NAV1: variants seen among roughly 807,000 people sequenced by gnomAD.
NAV1 encodes neuron navigator 1, also known as pore membrane and/or filament interacting like protein 3.
A neutral mutation model predicts 175.2 loss-of-function variants in NAV1; 18 were observed. That is an observed-to-expected ratio of 0.10 (90% CI 0.07 to 0.15). The LOEUF (loss-of-function observed/expected upper bound fraction) is 0.15. NAV1 is among the 10% of genes least tolerant of loss of function. The pLI is 1.00. For synonymous variants in NAV1, 897 were observed against 978.7 expected, an observed-to-expected ratio of 0.92 and a Z score of 1.56; for missense variants, 1,731 against 2,436.6, an observed-to-expected ratio of 0.71 and a Z score of 6.10.
rs763852838 is a variant in NAV1, at chr1:201,718,553, A to T, written c.1024A>T (p.Thr342Ser). Residue 342 changes from threonine to serine, a missense_variant, in exon 3 of 30, where the codon ACG becomes TCG. Physicochemically the swap from Thr to Ser is moderately conservative, Grantham distance 58. This residue lies in a region of NAV1 where 487 missense variants were observed against 581.3 expected (regional missense o/e 0.84). Coordinates refer to ENST00000367296, the Ensembl canonical transcript of NAV1. This position sits in a 1 kb window ranked among gnomAD's most constrained non-coding sequence, Gnocchi z 4.8. ...GGGTGGGAGCTGCCGCTCGGAGGGG[A>T]CGCCCGCCTGGTACATGCACGGCGA... 1 of 1,613,214 alleles carries T rather than the reference A, an allele frequency of 6.2e-7. No individual in the cohort carries two copies. Among genetic ancestry groups the T allele is most frequent in the Non-Finnish European group, 8.5e-7 (1 of 1,179,718 alleles).
intron 3 of NAV1, chr1:201,739,890 G>A (rs970817944): frequency 2.2e-5 from 28 of 1,286,730 alleles, no homozygotes; most frequent in Non-Finnish European, 2.7e-5. Context: ...GCGGAGGGCA[G>A]GCGAGGGTTA....
intron 2 of NAV1, among the ~76,000 whole-genome samples, chr1:201,599,027 AC>A (rs1300512990): frequency 1.3e-5 from 2 of 152,132 alleles, no homozygotes; most frequent in African/African-American, 4.8e-5. Flanking sequence ...TGGGGACAGG[AC>A]TTTTGTTGGC....
chr1:201,610,537 G>A (rs2102252240), intron 2 of NAV1, among the ~76,000 whole-genome samples: 1 of 152,326 alleles, frequency 6.6e-6, no homozygotes, highest in East Asian at 1.9e-4. Flanking sequence ...AGGTGTTGGA[G>A]GAATGCAGTG....
At chr1:201,819,983 A>G (rs1471973679) in exon 30 of NAV1, 16 of 1,535,650 alleles carry the variant, frequency 1.0e-5, no homozygotes, top group Non-Finnish European at 1.4e-5. Flanking sequence ...GGCATCAGCT[A>G]TCTTAGCTCC....
upstream of NAV1, among the ~76,000 whole-genome samples, chr1:201,619,096 G>A (rs935183248): frequency 6.6e-6 from 1 of 152,190 alleles, no homozygotes; most frequent in Non-Finnish European, 1.5e-5. Flanking sequence ...CCACTGCAGT[G>A]GAGAGGGAGG....
At chr1:201,601,537 G>T (rs966541345) in intron 2 of NAV1, among the ~76,000 whole-genome samples, 3 of 152,150 alleles carry the variant, frequency 2.0e-5, no homozygotes, top group Non-Finnish European at 4.4e-5. Context: ...ACCTTTAGGG[G>T]TGATTTGGTC....
chr1:201,739,912 C>T, intron 3 of NAV1: 3 of 1,301,488 alleles, frequency 2.3e-6, no homozygotes, highest in South Asian at 2.5e-5. Context: ...GTTTCCGACC[C>T]TCCGCGTGGC....
At chr1:201,664,838 C>T (rs1471331115) in intron 1 of NAV1, among the ~76,000 whole-genome samples, 1 of 152,270 alleles carries the variant, frequency 6.6e-6, no homozygotes, top group Non-Finnish European at 1.5e-5. Flanking sequence ...GCCACCAGTC[C>T]ACCCATCTCC....
chr1:201,810,001 T>TG lies in NAV1; in HGVS notation c.4457_4458insG (p.Ile1486MetfsTer29). On this transcript the variant is annotated frameshift_variant, in exon 23 of 30. Coordinates refer to ENST00000367296, the Ensembl canonical transcript of NAV1. LOFTEE classifies it high-confidence loss of function. The surrounding 1 kb of genome is among the most constrained non-coding windows in gnomAD (Gnocchi z 6.0). Reference sequence around the variant, plus strand: ...ACCCTGGGACTAAGCACTGAGTCCATCCATGGCTACAGCATCAGCCACGTG... The same window carrying TG: ...ACCCTGGGACTAAGCACTGAGTCCATGCCATGGCTACAGCATCAGCCACGTG... The TG allele has an allele frequency of 6.2e-7, 1 of 1,614,036 alleles. No individual in the cohort carries two copies. The highest frequency in any genetic ancestry group is 8.5e-7 in the Non-Finnish European group (1 of 1,179,984).
Position 201,787,627 on chromosome 1 carries a change from G to C in NAV1, c.2996-841G>C, listed in dbSNP as rs1264317767. On this transcript the variant is annotated intron_variant, in intron 9 of 29. Coordinates refer to ENST00000367296, the Ensembl canonical transcript of NAV1. This position sits in a 1 kb window ranked among gnomAD's most constrained non-coding sequence, Gnocchi z 4.3. ...TCAGGAATTTGAAAAGGTCAACAGAGAGGTGTGCCATCTTCTTCTGCACAG... is the reference window on the plus strand; with the variant it reads ...TCAGGAATTTGAAAAGGTCAACAGACAGGTGTGCCATCTTCTTCTGCACAG... 4.4e-6 allele frequency: 2 copies of C among 456,052 alleles called. No homozygotes were observed. The highest frequency in any genetic ancestry group is 4.7e-5 in the Admixed American group (2 of 42,562). 28.3% of individuals were successfully genotyped at this position (456,052 alleles called of 1,614,324 possible). A position where few individuals can be genotyped will look rare whatever the true frequency, so the allele number is the denominator to read the frequency against.
At chr1:201,604,596 C>T (rs1333119446) in intron 2 of NAV1, among the ~76,000 whole-genome samples, 6 of 150,840 alleles carry the variant, frequency 4.0e-5, no homozygotes, top group East Asian at 1.9e-4. Flanking sequence ...GTGGTAGAAT[C>T]GCTTGAACCT....
At chr1:201,566,730 T>C (rs2102163094) in intron 1 of NAV1, among the ~76,000 whole-genome samples, 1 of 152,070 alleles carries the variant, frequency 6.6e-6, no homozygotes, top group Admixed American at 6.5e-5. Flanking sequence ...CATAGAAAAA[T>C]AGAAAAACTT....
At position 201,583,220 on chromosome 1, in the gene NAV1, C is replaced by T. The variant is rs552879863; in HGVS notation, c.-143-5319C>T. Among the ~76,000 whole-genome samples the T allele has an allele frequency of 3.9e-5, 6 of 152,368 alleles. No individual in the cohort carries two copies. The South Asian group carries it at 1.2e-3, about 32-fold the overall frequency. The stretch of plus-strand genomic sequence containing the variant: ...GTGTGCCTCGGCTGGGCTCACGCTG[C>T]GTCAGGCTCGCCCGTGTTGGTATAA... On this transcript the variant is annotated intron_variant, in intron 1 of 33. Coordinates refer to the NAV1 transcript ENST00000685211.
At chr1:201,815,581 G>GCTAC (rs946138578) in intron 28 of NAV1, among the ~76,000 whole-genome samples, 1 of 152,148 alleles carries the variant, frequency 6.6e-6, no homozygotes, top group African/African-American at 2.4e-5. Context: ...GCTGGGCAGG[G>GCTAC]GGGTAGGTGA....
At chr1:201,794,172 A>C in intron 14 of NAV1, 1 of 647,808 alleles carries the variant, frequency 1.5e-6, no homozygotes. Flanking sequence ...TTTTTTTGAG[A>C]TGGAGTTTCG....
chr1:201,581,657 T>C (rs1205310080), intron 1 of NAV1, among the ~76,000 whole-genome samples: 1 of 151,790 alleles, frequency 6.6e-6, no homozygotes, highest in Non-Finnish European at 1.5e-5. Flanking sequence ...GGCGAAACCC[T>C]GTCTGTACTA....
chr1:201,596,343 C>G (rs1316067750), intron 2 of NAV1, among the ~76,000 whole-genome samples: 3 of 152,236 alleles, frequency 2.0e-5, no homozygotes, highest in Admixed American at 2.0e-4. Flanking sequence ...GACAGGGACT[C>G]TCTTCCCTTC....
chr1:201,782,962 T>C lies in NAV1; in HGVS notation c.2357+93T>C. The C allele has an allele frequency of 9.2e-7, 1 of 1,085,938 alleles. No individual in the cohort carries two copies. The highest frequency in any genetic ancestry group is 1.3e-6 in the Non-Finnish European group (1 of 760,352). The allele number at this position is 1,085,938 out of a possible 1,614,324, so 67.3% of individuals were successfully genotyped here. A position where few individuals can be genotyped will look rare whatever the true frequency, so the allele number is the denominator to read the frequency against. On this transcript the variant is annotated intron_variant, in intron 6 of 29. Transcript: ENST00000367296. The surrounding 1 kb of genome is among the most constrained non-coding windows in gnomAD (Gnocchi z 5.4). ...CTTGGACTAGATGAGGCATGGCCTA[T>C]CCACCGTTGTCTCTAGGCCTTTGCA... is the stretch of plus-strand genomic sequence containing the variant.
At chr1:201,768,334 A>AG (rs1491486229) in intron 3 of NAV1, among the ~76,000 whole-genome samples, 5 of 52,088 alleles carry the variant, frequency 9.6e-5, no homozygotes, top group Admixed American at 2.4e-4. Flanking sequence ...CGTCTCAGAG[A>AG]AAAAAAAAAA....
Sources: gnomAD v4.1 joint callset for allele counts (sites outside exome capture counted in the v4.1 genomes callset) on GRCh38, gnomAD v4.1.1 for gene constraint, gnomAD v4.1.1 regional missense constraint, Gnocchi (gnomAD v3.1) non-coding constraint, MANE v1.5 for transcripts, NCBI Gene and HGNC (gene_info 2026-07-23, HGNC 2026-07-21) for gene names.